Variants in GPC6 observed in about 807,000 individuals in gnomAD.
The protein encoded by GPC6 is glypican 6, also known as glypican-6.
Under a neutral mutation model 55.2 loss-of-function variants are expected in GPC6, and 14 were observed. That is an observed-to-expected ratio of 0.25 (90% CI 0.17 to 0.40). GPC6 has a LOEUF of 0.40. Among genes scored for constraint, GPC6 ranks in the 10% least tolerant of loss-of-function variants. The pLI, the probability that GPC6 is intolerant of heterozygous loss-of-function variation, is 1.00. For synonymous variants in GPC6, 278 were observed against 259.6 expected (o/e 1.07, Z -0.68); for missense variants, 641 against 708.5 (o/e 0.90, Z 1.08).
chr13:94,214,128 A>G (rs1890162621), intron 4 of GPC6, among the ~76,000 whole-genome samples: 1 of 152,168 alleles, frequency 6.6e-6, no homozygotes, highest in Non-Finnish European at 1.5e-5. Flanking sequence ...CTGCAGTAAT[A>G]ATTTCATATT....
intron 2 of GPC6, among the ~76,000 whole-genome samples, chr13:93,823,931 G>A (rs938673581): frequency 2.0e-5 from 3 of 152,092 alleles, no homozygotes; most frequent in Non-Finnish European, 2.9e-5. Flanking sequence ...AGGAAAGTGT[G>A]AATTATGAGA....
intron 4 of GPC6, among the ~76,000 whole-genome samples, chr13:94,278,521 A>G (rs758202607): frequency 2.0e-5 from 3 of 152,200 alleles, no homozygotes; most frequent in South Asian, 2.1e-4. Flanking sequence ...ACCGGTTTTC[A>G]AAGGGAATGC....
At chr13:93,815,517 T>A (rs1886819699) in intron 2 of GPC6, among the ~76,000 whole-genome samples, 1 of 152,204 alleles carries the variant, frequency 6.6e-6, no homozygotes, top group Non-Finnish European at 1.5e-5. Context: ...ATTGATACTT[T>A]ATCAAATGAT....
intron 4 of GPC6, among the ~76,000 whole-genome samples, chr13:94,231,832 CA>C (rs201372592): frequency 9.5e-4 from 143 of 150,952 alleles, no homozygotes; most frequent in African/African-American, 2.5e-3. Context: ...AATGAAAACA[CA>C]AAAAAAATGT....
At chr13:93,421,840 T>G (rs1170148206) in intron 1 of GPC6, among the ~76,000 whole-genome samples, 1 of 152,198 alleles carries the variant, frequency 6.6e-6, no homozygotes, top group African/African-American at 2.4e-5. Context: ...GTTCCAGAAC[T>G]GTTATTAAAG....
intron 2 of GPC6, among the ~76,000 whole-genome samples, chr13:93,575,212 A>T (rs1249229388): frequency 1.3e-5 from 2 of 151,918 alleles, no homozygotes; most frequent in African/African-American, 4.8e-5. Flanking sequence ...AATCGCTTGA[A>T]CCCGGGAGGC....
chr13:93,815,717 G>A (rs987540716), intron 2 of GPC6, among the ~76,000 whole-genome samples: 1 of 152,062 alleles, frequency 6.6e-6, no homozygotes, highest in Non-Finnish European at 1.5e-5. Flanking sequence ...TTTTCATTTA[G>A]TTCTTACACA....
At position 94,255,403 on chromosome 13, in the gene GPC6, G is replaced by A. The variant is rs79860209; in HGVS notation, c.878-30946G>A. Reference sequence around the variant, plus strand: ...AATCCCATTTTGGAAATGACATACAGTATACAATCAAGTTCAAAATTTTAC... The same window carrying A: ...AATCCCATTTTGGAAATGACATACAATATACAATCAAGTTCAAAATTTTAC... On this transcript the variant is annotated intron_variant, in intron 4 of 8. Transcript: ENST00000377047. 4.2e-3 allele frequency among the ~76,000 whole-genome samples: 639 copies of A among 152,220 alleles called. 8 individuals are homozygous for A. The highest frequency in any genetic ancestry group is 0.015 in the African/African-American group (608 of 41,538).
In GPC6 at chr13:94,406,956, A is replaced by C. The variant is rs928904916; in HGVS notation, c.*3739A>C. The stretch of plus-strand genomic sequence containing the variant: ...AAACACAATTTAGCTTTGCCAACAG[A>C]AGAGTAAAGGAAACCATAACTTATA... On this transcript the variant is annotated 3_prime_UTR_variant, in exon 9 of 9. Coordinates refer to ENST00000377047, the MANE Select transcript of GPC6 (RefSeq NM_005708.5). 3 of 152,188 alleles carry C rather than the reference A, an allele frequency of 2.0e-5. No individual in the cohort carries two copies. Among genetic ancestry groups the C allele is most frequent in the Non-Finnish European group, 4.4e-5 (3 of 67,988 alleles). 9.4% of individuals were successfully genotyped at this position (152,188 alleles called of 1,614,324 possible).
rs190066420 is a variant in GPC6 at position 93,763,127 on chromosome 13, G to A, written c.320-67027G>A. Among the ~76,000 whole-genome samples, 34 of 152,162 alleles carry A rather than the reference G, an allele frequency of 2.2e-4. 1 individual carries two copies. Among genetic ancestry groups the A allele is most frequent in the Admixed American group, 3.9e-4 (6 of 15,272 alleles). On this transcript the variant is annotated intron_variant, in intron 2 of 8. Coordinates refer to ENST00000377047, the MANE Select transcript of GPC6 (RefSeq NM_005708.5). ...AAAGAGCAACTATTAATTCAGTGTC[G>A]CTCTGATATACTAGACTAGACAGTT...
In GPC6 at chr13:93,792,664, A is replaced by G. The variant is rs184285563; in HGVS notation, c.320-37490A>G. On this transcript the variant is annotated intron_variant, in intron 2 of 8. Transcript: ENST00000377047. ...ACATGCTAAGGGAGAATCAGGTCGC[A>G]TAATGAGGCTTTGTAGGGGAAAACG... Among the ~76,000 whole-genome samples the G allele has an allele frequency of 3.3e-5, 5 of 152,338 alleles. No individual in the cohort carries two copies. In the East Asian group the frequency reaches 9.6e-4, roughly 29 times the overall value.
chr13:93,770,335 A>G (rs1232662050), intron 2 of GPC6, among the ~76,000 whole-genome samples: 5 of 152,210 alleles, frequency 3.3e-5, no homozygotes, highest in African/African-American at 4.8e-5. Flanking sequence ...TAAGTGTTCA[A>G]TGAATGTTAC....
Position 94,013,921 on chromosome 13 carries a change from G to T in GPC6, c.712-13808G>T, listed in dbSNP as rs560545383. 1.6e-4 allele frequency among the ~76,000 whole-genome samples: 24 copies of T among 151,948 alleles called. No individual in the cohort carries two copies. The South Asian group carries it at 4.2e-3, about 27-fold the overall frequency. On this transcript the variant is annotated intron_variant, in intron 3 of 8. Coordinates refer to ENST00000377047, the MANE Select transcript of GPC6 (RefSeq NM_005708.5). ...GACTCAGAAAGTGCTGTCGTTTTAT[G>T]GCTTGCAAATGCTTCATAAGCCTCA...
At chr13:93,449,821 CAA>C (rs35104410) in intron 1 of GPC6, among the ~76,000 whole-genome samples, 2 of 143,502 alleles carry the variant, frequency 1.4e-5, no homozygotes. Flanking sequence ...GAAACTCAGT[CAA>C]AAAAAAAAAA....
intron 1 of GPC6, among the ~76,000 whole-genome samples, chr13:93,367,323 A>AT (rs1261433338): frequency 9.2e-5 from 14 of 152,122 alleles, no homozygotes; most frequent in African/African-American, 3.4e-4. Context: ...TTTTGGCATT[A>AT]TTTTTGTCAT....
intron 4 of GPC6, among the ~76,000 whole-genome samples, chr13:94,239,669 T>G (rs1485772417): frequency 6.6e-6 from 1 of 152,158 alleles, no homozygotes; most frequent in East Asian, 1.9e-4. Context: ...AATTTATTCT[T>G]GCGAAATGAT....
chr13:93,571,017 G>C (rs897347671), intron 2 of GPC6, among the ~76,000 whole-genome samples: 9 of 152,154 alleles, frequency 5.9e-5, no homozygotes, highest in Non-Finnish European at 1.2e-4. Context: ...AGTGTGTGTA[G>C]TGTTTGTCTT....
At chr13:93,814,297 G>A (rs570482938) in intron 2 of GPC6, among the ~76,000 whole-genome samples, 2 of 152,196 alleles carry the variant, frequency 1.3e-5, no homozygotes, top group Non-Finnish European at 2.9e-5. Context: ...TATCCACAAA[G>A]TGTTTTTAAA....
intron 2 of GPC6, among the ~76,000 whole-genome samples, chr13:93,808,944 G>A (rs891551067): frequency 7.9e-5 from 12 of 152,116 alleles, no homozygotes; most frequent in African/African-American, 2.7e-4. Flanking sequence ...AGATGATGGC[G>A]GCTCCATCAG....
Sources: gnomAD v4.1 joint callset for allele counts (sites outside exome capture counted in the v4.1 genomes callset) on GRCh38, gnomAD v4.1.1 for gene constraint, MANE v1.5 for transcripts, NCBI Gene and HGNC (gene_info 2026-07-23, HGNC 2026-07-21) for gene names.